The following FLT1 variants were observed in gnomAD, a reference collection of about 807,000 sequenced individuals.
The protein encoded by FLT1 is vascular endothelial growth factor receptor 1.
Under a neutral mutation model 156.3 loss-of-function variants are expected in FLT1, and 49 were observed. The observed-to-expected ratio is 0.31, with a 90% CI of 0.25 to 0.40. The LOEUF is 0.40. Among genes scored for constraint, FLT1 ranks in the 10% least tolerant of loss-of-function variants. FLT1 has a pLI of 1.00. For synonymous variants in FLT1, 594 were observed against 583.8 expected (o/e 1.02, Z -0.25); for missense variants, 1,322 against 1,637.2 (o/e 0.81, Z 3.32).
Position 28,313,906 on chromosome 13 carries a change from A to G in FLT1, c.3387-1808T>C, listed in dbSNP as rs148887954. ...AGGGAGGTAAAAAAAAAAAAAAAAA[A>G]AAAGAAGAATCCGGGTGTGGTGGCT... On this transcript the variant is annotated intron_variant, in intron 25 of 29. Transcript: ENST00000282397. Among the ~76,000 whole-genome samples, 164 of 25,910 alleles carry G rather than the reference A, an allele frequency of 6.3e-3. No individual in the cohort carries two copies. In the East Asian group the frequency reaches 0.099, roughly 16 times the overall value. The allele number at this position is 25,910 out of a possible 152,430, so 17.0% of individuals were successfully genotyped here. A position where few individuals can be genotyped will look rare whatever the true frequency, so the allele number is the denominator to read the frequency against.
At position 28,466,945 on chromosome 13, in the gene FLT1, T is replaced by G; in HGVS notation, c.346A>C (p.Lys116Gln). ...ATTGCAGATTCTGTTTCCTTCTTCT[T>G]TGAAGTAGGTACAGCTAGATATTTG... ...SCKYLAVPTS[K>Q]KKETESAIYI... The change falls in exon 3 of 30, where the codon AAG becomes CAG. Residue 116 changes from lysine (K) to glutamine (Q), a missense_variant. This residue lies in a region of FLT1 where 991 missense variants were observed against 1,254.8 expected (regional missense o/e 0.79). Transcript: ENST00000282397. The G allele has an allele frequency of 6.2e-7, 1 of 1,613,484 alleles. No homozygotes were observed. The highest frequency in any genetic ancestry group is 1.3e-5 in the African/African-American group (1 of 75,050).
chr13:28,332,256 A>T (rs1394846364), intron 18 of FLT1, among the ~76,000 whole-genome samples: 1 of 152,010 alleles, frequency 6.6e-6, no homozygotes, highest in Non-Finnish European at 1.5e-5. Flanking sequence ...TCAAGTCAGA[A>T]TCTTCTTTCA....
chr13:28,386,679 T>G (rs1874384992), intron 13 of FLT1: 1 of 1,056,832 alleles, frequency 9.5e-7, no homozygotes, highest in Admixed American at 5.4e-5. Flanking sequence ...TTTAAAACCT[T>G]TGATTTACGA....
chr13:28,322,958 C>A lies in FLT1; in HGVS notation c.2797-12G>T. ...TGTAGTGCTGCATCCTTTGAAGAGA[C>A]CGAAAAGGACCCAGGTGAAAAGGAG... On this transcript the variant is annotated splice_polypyrimidine_tract_variant and intron_variant, in intron 20 of 29. Transcript: ENST00000282397. This position sits in a 1 kb window ranked among gnomAD's most constrained non-coding sequence, Gnocchi z 4.3. 2 of 1,614,052 alleles carry A rather than the reference C, an allele frequency of 1.2e-6. No individual in the cohort carries two copies. Among genetic ancestry groups the A allele is most frequent in the Non-Finnish European group, 1.7e-6 (2 of 1,180,004 alleles).
chr13:28,339,343 C>T, intron 16 of FLT1, 43 bp from the exon 17 acceptor site: 2 of 1,603,012 alleles, frequency 1.2e-6, no homozygotes, highest in Non-Finnish European at 1.7e-6. Flanking sequence ...AAGAAAACAA[C>T]TTTACAAATC....
At chr13:28,376,012 C>T (rs568071290) in intron 14 of FLT1, among the ~76,000 whole-genome samples, 1 of 152,304 alleles carries the variant, frequency 6.6e-6, no homozygotes, top group Non-Finnish European at 1.5e-5. Flanking sequence ...CTGAGCGTGA[C>T]AGATGGTCAG....
In FLT1 at chr13:28,405,738, T is replaced by C. The variant is rs1378633284; in HGVS notation, c.1551+42A>G. The stretch of plus-strand genomic sequence containing the variant: ...CTAGAATTGGGAGCTGAGAGTGTAT[T>C]TGTGGAATAAATATCCCAGTGCGCA... On this transcript the variant is annotated intron_variant, in intron 11 of 29. Coordinates refer to ENST00000282397, the MANE Select transcript of FLT1 (RefSeq NM_002019.4). The C allele has an allele frequency of 2.8e-6, 3 of 1,063,562 alleles. No individual in the cohort carries two copies. The South Asian group carries it at 3.7e-5, about 13-fold the overall frequency. The allele number at this position is 1,063,562 out of a possible 1,614,324, so 65.9% of individuals were successfully genotyped here.
intron 18 of FLT1, among the ~76,000 whole-genome samples, chr13:28,332,598 T>C (rs1169758276): frequency 6.6e-6 from 1 of 152,182 alleles, no homozygotes; most frequent in Admixed American, 6.5e-5. Flanking sequence ...CCCTCTTTTG[T>C]GGCACACTGG....
At chr13:28,396,560 A>G (rs1875057150) in intron 12 of FLT1, among the ~76,000 whole-genome samples, 1 of 152,258 alleles carries the variant, frequency 6.6e-6, no homozygotes, top group Non-Finnish European at 1.5e-5. Context: ...TAAAAAAATT[A>G]ACCTTTTGGT....
At chr13:28,470,849 C>T (rs1158403484) in intron 1 of FLT1, among the ~76,000 whole-genome samples, 1 of 152,128 alleles carries the variant, frequency 6.6e-6, no homozygotes, top group East Asian at 1.9e-4. Flanking sequence ...TGCCACCACA[C>T]CCAGCTAATT....
chr13:28,430,101 G>A lies in FLT1; in HGVS notation c.1055C>T (p.Ser352Phe). The change falls in exon 8 of 30, where the codon TCT (serine) becomes TTT (phenylalanine). Residue 352 changes from serine (S) to phenylalanine (F), a missense_variant. By Grantham distance (155) the Ser-to-Phe change is radical (BLOSUM62 -2). Around this residue, in one of 3 missense-constraint regions of FLT1, gnomAD observed 991 missense variants for 1,254.8 expected, o/e 0.79. Transcript: ENST00000282397. Reference protein sequence around the residue: ...QVLETVAGKRSYRLSMKVKAF... With the variant: ...QVLETVAGKRFYRLSMKVKAF... ...CTTCACTTTCATAGAGAGCCGGTAA[G>A]ACCGCTTGCCAGCTACGGTTTCAAG... is the stretch of plus-strand genomic sequence containing the variant. 6.2e-7 allele frequency: 1 copy of A among 1,614,018 alleles called. No individual in the cohort carries two copies. Among genetic ancestry groups the A allele is most frequent in the African/African-American group, 1.3e-5 (1 of 75,058 alleles).
Position 28,390,065 on chromosome 13 carries a change from G to A in FLT1, c.1700C>T (p.Pro567Leu), listed in dbSNP as rs374335323. 14 of 1,613,856 alleles carry A rather than the reference G, an allele frequency of 8.7e-6. No homozygotes were observed. Among genetic ancestry groups the A allele is most frequent in the Non-Finnish European group, 1.1e-5 (13 of 1,179,972 alleles). Residue 567 changes from proline to leucine, a missense_variant, in exon 13 of 30, where the codon CCG (proline) becomes CTG (leucine). By Grantham distance (98) the Pro-to-Leu change is moderately conservative. Transcript: ENST00000282397. ...NGFHVNLEKM[P>L]TEGEDLKLSC... ...CAGTTTCAGGTCCTCTCCTTCCGTC[G>A]GCATTTTTTCCAAGTTAACATGAAA...
intron 2 of FLT1, 106 bp downstream of exon 2, chr13:28,467,415 C>A: frequency 1.3e-6 from 1 of 796,112 alleles, no homozygotes; most frequent in African/African-American, 1.7e-5. Flanking sequence ...TTGCACTTTG[C>A]AGATCACAGG....
intron 15 of FLT1, among the ~76,000 whole-genome samples, chr13:28,350,061 T>A (rs1872692337): frequency 6.6e-6 from 1 of 152,142 alleles, no homozygotes; most frequent in South Asian, 2.1e-4. Flanking sequence ...CTGGCCTGAC[T>A]AAACCCAGCT....
chr13:28,478,880 C>T (rs1880692191), intron 1 of FLT1, among the ~76,000 whole-genome samples: 1 of 152,206 alleles, frequency 6.6e-6, no homozygotes, highest in African/African-American at 2.4e-5. Flanking sequence ...CTATTCTCCT[C>T]ATGCAGACTT....
At chr13:28,471,940 C>T (rs575868619) in intron 1 of FLT1, among the ~76,000 whole-genome samples, 1 of 151,986 alleles carries the variant, frequency 6.6e-6, no homozygotes, top group African/African-American at 2.4e-5. Context: ...GGGCTTTATC[C>T]CATGCTACTT....
chr13:28,382,485 G>A (rs1478648047), intron 14 of FLT1, among the ~76,000 whole-genome samples: 1 of 152,154 alleles, frequency 6.6e-6, no homozygotes, highest in African/African-American at 2.4e-5. Flanking sequence ...AGTGTGTTAG[G>A]GTTGAAGAGT....
chr13:28,308,752 A>G (rs1478987838), intron 28 of FLT1, 91 bp downstream of exon 28: 2 of 833,394 alleles, frequency 2.4e-6, no homozygotes, highest in Non-Finnish European at 4.2e-6. Flanking sequence ...TCACTGACCA[A>G]GAACTACTAC....
rs543019073 is a variant in FLT1 at position 28,372,752 on chromosome 13, C to T, written c.2116+12133G>A. Among the ~76,000 whole-genome samples the T allele has an allele frequency of 2.6e-5, 4 of 151,256 alleles. No homozygotes were observed. The East Asian group carries it at 7.9e-4, about 30-fold the overall frequency. On this transcript the variant is annotated intron_variant, in intron 14 of 29. Transcript: ENST00000282397. ...CAAAAGTTAGCTGGGCATGGTGGTG[C>T]GGGCCTGTAGTCTCAGCTACTTGGA...
Sources: gnomAD v4.1 joint callset for allele counts (sites outside exome capture counted in the v4.1 genomes callset) on GRCh38, gnomAD v4.1.1 for gene constraint, gnomAD v4.1.1 regional missense constraint, Gnocchi (gnomAD v3.1) non-coding constraint, MANE v1.5 for transcripts, NCBI Gene and HGNC (gene_info 2026-07-23, HGNC 2026-07-21) for gene names.